Variants in EPB41L5 observed in about 807,000 individuals in gnomAD.
EPB41L5 encodes band 4.1-like protein 5.
In EPB41L5, 55 loss-of-function variants were observed where a neutral mutation model predicts 106.6. The ratio of observed to expected loss-of-function variants is 0.52; its 90% CI spans 0.42 to 0.65. EPB41L5 has a LOEUF of 0.65. EPB41L5 is among the 30% of genes least tolerant of loss of function. The probability of loss-of-function intolerance (pLI) is 0.00; values close to 1 mark genes in which losing one functional copy is unlikely to be tolerated. For synonymous variants in EPB41L5, 297 were observed against 306.7 expected (o/e 0.97, Z 0.33); for missense variants, 871 against 882.1 (o/e 0.99, Z 0.16).
chr2:120,132,163 G>A (rs1685725012), intron 18 of EPB41L5, among the ~76,000 whole-genome samples: 1 of 151,934 alleles, frequency 6.6e-6, no homozygotes, highest in Non-Finnish European at 1.5e-5. Flanking sequence ...TGTAGGGTGG[G>A]GGATACATAC....
chr2:120,131,541 CA>C, intron 17 of EPB41L5, 76 bp from the exon 18 acceptor site: 1 of 960,256 alleles, frequency 1.0e-6, no homozygotes, highest in Non-Finnish European at 1.6e-6. Flanking sequence ...GAAGACAAAA[CA>C]AAACCATACC....
chr2:120,069,104 G>T (rs529812768), intron 3 of EPB41L5, among the ~76,000 whole-genome samples: 1 of 119,842 alleles, frequency 8.3e-6, no homozygotes, highest in Non-Finnish European at 1.6e-5. Flanking sequence ...CTCCAGCCTG[G>T]GCAACAAGAG....
At chr2:120,109,857 C>T (rs982510700) in intron 16 of EPB41L5, among the ~76,000 whole-genome samples, 1 of 152,200 alleles carries the variant, frequency 6.6e-6, no homozygotes, top group African/African-American at 2.4e-5. Flanking sequence ...TCTAATCAAA[C>T]ATTGTCCCTG....
At chr2:120,075,229 C>T (rs1682147981) in intron 5 of EPB41L5, among the ~76,000 whole-genome samples, 1 of 152,118 alleles carries the variant, frequency 6.6e-6, no homozygotes, top group Admixed American at 6.5e-5. Flanking sequence ...GAAAATAATT[C>T]AAATATTTCT....
intron 9 of EPB41L5, among the ~76,000 whole-genome samples, chr2:120,077,793 G>A (rs979521716): frequency 1.3e-5 from 2 of 152,086 alleles, no homozygotes; most frequent in Non-Finnish European, 2.9e-5. Flanking sequence ...AAAGGCGGTT[G>A]TATTAGTTCA....
intron 1 of EPB41L5, among the ~76,000 whole-genome samples, chr2:120,014,965 A>G (rs1677411487): frequency 1.1e-5 from 1 of 89,628 alleles, no homozygotes; most frequent in African/African-American, 3.1e-5. Context: ...CTTTTTTCAC[A>G]ATCATTAAAA....
chr2:120,127,693 C>G lies in EPB41L5; in HGVS notation c.1343C>G (p.Pro448Arg). 5.6e-6 allele frequency: 9 copies of G among 1,593,722 alleles called. No homozygotes were observed. Among genetic ancestry groups the G allele is most frequent in the Non-Finnish European group, 6.9e-6 (8 of 1,167,396 alleles). Residue 448 changes from proline to arginine, a missense_variant, in exon 17 of 25, where the codon CCT (proline) becomes CGT (arginine). Physicochemically the swap from Pro to Arg is moderately radical, Grantham distance 103. Transcript: ENST00000263713. ...ATTTTCTATTTCCATTGCAGCATTC[C>G]TCTGAATATTGATTTGCTGAATAGC... Reference protein sequence around the residue: ...GTDQHDRKCIPLNIDLLNSPD... With the variant: ...GTDQHDRKCIRLNIDLLNSPD...
intron 17 of EPB41L5, among the ~76,000 whole-genome samples, chr2:120,130,331 T>C (rs1685638351): frequency 1.3e-5 from 2 of 152,174 alleles, no homozygotes; most frequent in Non-Finnish European, 2.9e-5. Context: ...TGAGAATAAT[T>C]AGAACATTTT....
chr2:120,122,402 A>C (rs961902189), intron 16 of EPB41L5, among the ~76,000 whole-genome samples: 1 of 152,242 alleles, frequency 6.6e-6, no homozygotes, highest in African/African-American at 2.4e-5. Flanking sequence ...ATGGCTAGCC[A>C]GTTTTCCCAG....
At chr2:120,038,418 C>A (rs1679180614) in intron 2 of EPB41L5, among the ~76,000 whole-genome samples, 1 of 152,204 alleles carries the variant, frequency 6.6e-6, no homozygotes, top group Non-Finnish European at 1.5e-5. Flanking sequence ...TTGTTATACA[C>A]TTTCAGAGGG....
chr2:120,104,490 G>T (rs542894619), intron 16 of EPB41L5: 4 of 1,145,972 alleles, frequency 3.5e-6, no homozygotes, highest in Non-Finnish European at 4.3e-6. Flanking sequence ...GGTTTTGGAA[G>T]AGTTTTCAGA....
intron 21 of EPB41L5, among the ~76,000 whole-genome samples, chr2:120,162,124 C>T (rs1041776945): frequency 6.6e-6 from 1 of 152,114 alleles, no homozygotes; most frequent in African/African-American, 2.4e-5. Flanking sequence ...TAAGTGTCTC[C>T]AATAGTACCT....
At chr2:120,081,380 T>G (rs1253334945) in intron 10 of EPB41L5, among the ~76,000 whole-genome samples, 2 of 152,158 alleles carry the variant, frequency 1.3e-5, no homozygotes, top group African/African-American at 2.4e-5. Context: ...TTTCCCCATT[T>G]CTTGTTTTTG....
chr2:120,081,276 G>A (rs960735059), intron 10 of EPB41L5, among the ~76,000 whole-genome samples: 13 of 152,024 alleles, frequency 8.6e-5, no homozygotes, highest in African/African-American at 1.7e-4. Flanking sequence ...ATCTTGAATT[G>A]ATTTTTGTAT....
At chr2:120,169,053 A>T (rs1687546874) in intron 24 of EPB41L5, among the ~76,000 whole-genome samples, 2 of 152,246 alleles carry the variant, frequency 1.3e-5, no homozygotes, top group Non-Finnish European at 2.9e-5. Context: ...CTTTCACATT[A>T]AAAATTACAG....
chr2:120,028,710 G>C (rs766266694), intron 2 of EPB41L5, among the ~76,000 whole-genome samples: 8 of 152,146 alleles, frequency 5.3e-5, no homozygotes, highest in Admixed American at 4.6e-4. Flanking sequence ...TATGGTTGGC[G>C]GGAGGGGAGT....
chr2:120,043,229 C>T (rs1224817395), intron 3 of EPB41L5, among the ~76,000 whole-genome samples: 2 of 151,984 alleles, frequency 1.3e-5, no homozygotes, highest in Admixed American at 6.6e-5. Context: ...GAAATTAATA[C>T]TATGCAGCTC....
Position 120,102,176 on chromosome 2 carries a change from T to A in EPB41L5, c.1337+1362T>A, listed in dbSNP as rs545477981. On this transcript the variant is annotated intron_variant, in intron 16 of 24. Transcript: ENST00000263713. ...GAGGGTCTGATTAGTTGGGATACTA[T>A]ATTACGACACTGAATCTTTGAGTTT... is the stretch of plus-strand genomic sequence containing the variant. 3.3e-5 allele frequency among the ~76,000 whole-genome samples: 5 copies of A among 152,324 alleles called. No homozygotes were observed. The East Asian group carries it at 5.8e-4, about 18-fold the overall frequency.
chr2:120,083,158 G>T (rs113928371), intron 10 of EPB41L5, among the ~76,000 whole-genome samples: 2 of 152,150 alleles, frequency 1.3e-5, no homozygotes, highest in Non-Finnish European at 2.9e-5. Flanking sequence ...TTTTGAATGT[G>T]TTTGCCCTTG....
Sources: allele counts gnomAD v4.1 joint callset (sites outside exome capture counted in the v4.1 genomes callset), GRCh38; gene constraint gnomAD v4.1.1; transcripts MANE v1.5; gene names NCBI Gene and HGNC (gene_info 2026-07-23, HGNC 2026-07-21).